Variants in DMD observed in about 807,000 individuals in gnomAD.
The protein encoded by DMD is dystrophin, also known as mutant dystrophin.
In DMD, 63 loss-of-function variants were observed where a neutral mutation model predicts 330.1. The observed-to-expected ratio is 0.19, with a 90% CI of 0.16 to 0.24. The LOEUF (loss-of-function observed/expected upper bound fraction) is 0.24. DMD is among the 10% of genes least tolerant of loss of function. The pLI is 1.00. For synonymous variants in DMD, 1,223 were observed against 959.8 expected, an observed-to-expected ratio of 1.27 and a Z score of -5.07; for missense variants, 3,344 against 2,684.1, an observed-to-expected ratio of 1.25 and a Z score of -5.43.
intron 52 of DMD, among the ~76,000 whole-genome samples, chrX:31,694,230 C>T (rs1298269544): frequency 1.8e-5 from 2 of 110,748 alleles, no homozygotes; most frequent in Non-Finnish European, 3.8e-5. Context: ...ACCCTTATCT[C>T]ACCCCTTATA....
intron 55 of DMD, among the ~76,000 whole-genome samples, chrX:31,512,559 C>T (rs2071732168): frequency 9.5e-6 from 1 of 105,055 alleles, no homozygotes; most frequent in Non-Finnish European, 2.0e-5. Flanking sequence ...ATATGGCTAG[C>T]CAGTTTTCCC....
chrX:31,782,801 A>G lies in DMD; in HGVS notation c.7310-8609T>C, dbSNP rs368355184. 1.1e-4 allele frequency among the ~76,000 whole-genome samples: 12 copies of G among 111,887 alleles called. No individual in the cohort carries two copies. In the East Asian group the frequency reaches 2.5e-3, roughly 24 times the overall value. On this transcript the variant is annotated intron_variant, in intron 50 of 78. Coordinates refer to ENST00000357033, the MANE Select transcript of DMD (RefSeq NM_004006.3). ...ACAGCTGGAAAAGACGGAGTCTTTA[A>G]GTTAAAATGTGGAATGGAATTCCAC...
rs778472758 is a variant in DMD at position 32,949,546 on chromosome X, G to A, written c.93+70593C>T. ...CTTACACATAAATATGAACGATGGT[G>A]CTCCCCTTTGGTTCCAACTTTCTGT... is the stretch of plus-strand genomic sequence containing the variant. On this transcript the variant is annotated intron_variant, in intron 2 of 78. Coordinates refer to ENST00000357033, the MANE Select transcript of DMD (RefSeq NM_004006.3). Among the ~76,000 whole-genome samples the A allele has an allele frequency of 2.7e-5, 3 of 110,957 alleles. No individual in the cohort carries two copies. In the East Asian group the frequency reaches 8.5e-4, roughly 31 times the overall value.
chrX:33,013,452 T>C (rs2093738552), intron 2 of DMD, among the ~76,000 whole-genome samples: 1 of 111,452 alleles, frequency 9.0e-6, no homozygotes, highest in Non-Finnish European at 1.9e-5. Context: ...AGGCTGCTCA[T>C]CAGCATCCAG....
chrX:31,722,390 A>G (rs7886254), intron 52 of DMD, among the ~76,000 whole-genome samples: 28,184 of 110,062 alleles, frequency 0.26, 3,793 homozygotes, highest in African/African-American at 0.49. Context: ...AAAGTGCTGG[A>G]ATTACAGGAG....
intron 60 of DMD, among the ~76,000 whole-genome samples, chrX:31,354,446 AAAG>A (rs1343110675): frequency 1.8e-5 from 2 of 111,318 alleles, no homozygotes; most frequent in Non-Finnish European, 3.8e-5. Flanking sequence ...AAAAAAAAGA[AAAG>A]AAGAAAACCA....
At chrX:31,507,921 A>T (rs1013644445) in intron 55 of DMD, among the ~76,000 whole-genome samples, 2 of 111,909 alleles carry the variant, frequency 1.8e-5, no homozygotes, top group Non-Finnish European at 3.8e-5. Context: ...GAGACTAATA[A>T]ACAAGATTGC....
At chrX:32,365,310 A>G (rs1252235947) in intron 34 of DMD, 111 bp from the exon 35 acceptor site, 20 of 699,013 alleles carry the variant, frequency 2.9e-5, no homozygotes, top group Admixed American at 8.5e-5. Context: ...TTTTAAACCT[A>G]TAACTATGTA....
chrX:32,311,142 T>C (rs1012571593), intron 41 of DMD, among the ~76,000 whole-genome samples: 3 of 111,008 alleles, frequency 2.7e-5, no homozygotes, highest in African/African-American at 9.8e-5. Context: ...GTCTACACTA[T>C]AGGCAGCAAA....
rs374642169 is a variant in DMD, at chrX:32,837,989, A to C, written c.264+6794T>G. Among the ~76,000 whole-genome samples the C allele has an allele frequency of 7.0e-4, 79 of 112,138 alleles. No homozygotes were observed. The South Asian group carries it at 0.014, about 19-fold the overall frequency. ...CTCATATTTTATAGAAGTATCTACT[A>C]TGCTTTAGTGTTGAGATACAGAAAA... is the stretch of plus-strand genomic sequence containing the variant. On this transcript the variant is annotated intron_variant, in intron 4 of 78. Transcript: ENST00000357033.
intron 21 of DMD, among the ~76,000 whole-genome samples, chrX:32,479,531 G>C (rs774415202): frequency 9.1e-5 from 10 of 109,978 alleles, no homozygotes; most frequent in Non-Finnish European, 1.5e-4. Flanking sequence ...AGATCATACA[G>C]TATTTGTCTT....
At chrX:32,248,576 T>C (rs1470762165) in intron 43 of DMD, among the ~76,000 whole-genome samples, 1 of 103,984 alleles carries the variant, frequency 9.6e-6, no homozygotes, top group African/African-American at 3.7e-5. Context: ...TCTATTAGGA[T>C]ACTAATTATG....
chrX:32,724,894 C>A (rs1182327613), intron 7 of DMD, among the ~76,000 whole-genome samples: 3 of 111,378 alleles, frequency 2.7e-5, no homozygotes, highest in Non-Finnish European at 5.7e-5. Flanking sequence ...CATTTTTAAA[C>A]AATGGAAAAA....
intron 55 of DMD, among the ~76,000 whole-genome samples, chrX:31,593,723 A>G (rs1482079590): frequency 9.0e-6 from 1 of 110,973 alleles, no homozygotes; most frequent in Non-Finnish European, 1.9e-5. Context: ...CCAAGCATGT[A>G]ATTTAAAAAA....
chrX:32,005,459 G>C (rs1207706837), intron 44 of DMD, among the ~76,000 whole-genome samples: 1 of 110,813 alleles, frequency 9.0e-6, no homozygotes, highest in African/African-American at 3.3e-5. Context: ...TGGGATGGAT[G>C]TGTTATTAGG....
intron 2 of DMD, among the ~76,000 whole-genome samples, chrX:32,999,922 T>G (rs899487477): frequency 1.8e-5 from 2 of 112,958 alleles, no homozygotes; most frequent in Non-Finnish European, 3.7e-5. Context: ...GTACACGTGT[T>G]GAGTTAAGGA....
At chrX:32,302,556 A>C (rs147871279) in intron 42 of DMD, among the ~76,000 whole-genome samples, 150 of 111,538 alleles carry the variant, frequency 1.3e-3, no homozygotes, top group African/African-American at 4.7e-3. Flanking sequence ...TCTGGAAATA[A>C]CTTTACGTAT....
rs757369316 is a variant in DMD at position 33,094,995 on chromosome X, G to T, written c.32-74795C>A. Reference sequence around the variant, plus strand: ...TACTCTTTATTACAAAAACAAATTTGGTTTTAAAGATCAATAAACTACATT... The same window carrying T: ...TACTCTTTATTACAAAAACAAATTTTGTTTTAAAGATCAATAAACTACATT... On this transcript the variant is annotated intron_variant, in intron 1 of 78. Transcript: ENST00000357033. 1.1e-4 allele frequency among the ~76,000 whole-genome samples: 12 copies of T among 110,831 alleles called. No individual in the cohort carries two copies. The South Asian group carries it at 1.5e-3, about 14-fold the overall frequency.
At chrX:33,310,933 G>C (rs953436072) in intron 1 of DMD, among the ~76,000 whole-genome samples, 1 of 110,854 alleles carries the variant, frequency 9.0e-6, no homozygotes, top group African/African-American at 3.3e-5. Context: ...TCATGCACCA[G>C]AGAAAATGAA....
Sources: allele counts gnomAD v4.1 joint callset (sites outside exome capture counted in the v4.1 genomes callset), GRCh38; gene constraint gnomAD v4.1.1; transcripts MANE v1.5; gene names NCBI Gene and HGNC (gene_info 2026-07-23, HGNC 2026-07-21).